BPI: variants seen among roughly 807,000 people sequenced by gnomAD.
BPI encodes the protein bactericidal permeability-increasing protein.
BPI carries 48 observed loss-of-function variants against 57.6 expected under a neutral mutation model. The ratio of observed to expected loss-of-function variants is 0.83; its 90% CI spans 0.66 to 1.06. The LOEUF is 1.06. BPI is among the 50% of genes least tolerant of loss of function. The pLI, the probability that BPI is intolerant of heterozygous loss-of-function variation, is 0.00. For synonymous variants in BPI, 237 were observed against 238.2 expected, an observed-to-expected ratio of 0.99 and a Z score of 0.05; for missense variants, 651 against 609.7, an observed-to-expected ratio of 1.07 and a Z score of -0.71.
intron 9 of BPI, 144 bp downstream of exon 9, chr20:38,324,977 T>C: frequency 2.9e-6 from 2 of 691,586 alleles, no homozygotes; most frequent in Non-Finnish European, 2.5e-6. Flanking sequence ...GGAAATAGCT[T>C]CATCCACAGA....
Position 38,307,643 on chromosome 20 carries a change from G to T in BPI, c.207G>T (p.Lys69Asn), listed in dbSNP as rs779087118. The change falls in exon 2 of 15, where the codon AAG becomes AAT. Residue 69 changes from lysine (K) to asparagine (N), a missense_variant. Physicochemically the swap from Lys to Asn is moderately conservative, Grantham distance 94. Coordinates refer to ENST00000642449, the MANE Select transcript of BPI (RefSeq NM_001725.3). ...IKIPDYSDSF[K>N]IKHLGKGHYS... is the part of the protein sequence containing the mutation. The stretch of plus-strand genomic sequence containing the variant: ...TTCCTGACTACTCAGACAGCTTTAA[G>T]ATCAAGCATCTTGGGAAGGGGCATT... 6.2e-7 allele frequency: 1 copy of T among 1,612,184 alleles called. No individual in the cohort carries two copies. The highest frequency in any genetic ancestry group is 8.5e-7 in the Non-Finnish European group (1 of 1,179,232).
intron 7 of BPI, 39 bp downstream of exon 7, chr20:38,320,313 T>A: frequency 6.3e-7 from 1 of 1,578,816 alleles, no homozygotes. Context: ...CTCACACCTC[T>A]GTCTCAGACA....
intron 14 of BPI, 106 bp downstream of exon 14, chr20:38,335,780 T>C: frequency 9.0e-7 from 1 of 1,111,400 alleles, no homozygotes; most frequent in Non-Finnish European, 1.3e-6. Flanking sequence ...AAGCGCCTTC[T>C]ACCCTTACAA....
intron 11 of BPI, among the ~76,000 whole-genome samples, chr20:38,328,185 C>T (rs1568818029): frequency 2.0e-5 from 3 of 152,194 alleles, no homozygotes; most frequent in Non-Finnish European, 4.4e-5. Context: ...CAACATGAGG[C>T]TGCCTGCGTT....
At chr20:38,320,444 C>G (rs1165170310) in intron 7 of BPI, among the ~76,000 whole-genome samples, 170 bp downstream of exon 7, 2 of 151,958 alleles carry the variant, frequency 1.3e-5, no homozygotes, top group African/African-American at 4.8e-5. Context: ...GGCCTCCCCG[C>G]CATTCCCCGA....
At chr20:38,321,789 A>G (rs908789753) in intron 7 of BPI, 1 of 152,002 alleles carries the variant, frequency 6.6e-6, no homozygotes, top group Non-Finnish European at 1.5e-5. Context: ...TCATCAATAA[A>G]TAAGTGTAGA....
intron 11 of BPI, among the ~76,000 whole-genome samples, chr20:38,328,290 C>G (rs1228153440): frequency 6.6e-6 from 1 of 152,138 alleles, no homozygotes; most frequent in Admixed American, 6.5e-5. Context: ...CGGTGGCTCA[C>G]GCCTGTAATC....
Position 38,334,958 on chromosome 20 carries a change from C to T in BPI, c.1336+465C>T, listed in dbSNP as rs113611815. Among the ~76,000 whole-genome samples, 832 of 152,236 alleles carry T rather than the reference C, an allele frequency of 5.5e-3. 9 individuals are homozygous for T. Among genetic ancestry groups the T allele is most frequent in the African/African-American group, 0.019 (797 of 41,532 alleles). On this transcript the variant is annotated intron_variant, in intron 13 of 14. Transcript: ENST00000642449. ...CACGCTGGTAAGAGCTTCAGGCAGG[C>T]CGGCCCCTGACCTTTGAGAGTGAGG...
rs2076764153 is a variant in BPI, at chr20:38,335,694, C to T, written c.1413+20C>T. 6.2e-7 allele frequency: 1 copy of T among 1,607,390 alleles called. No individual in the cohort carries two copies. The highest frequency in any genetic ancestry group is 1.3e-5 in the African/African-American group (1 of 74,882). On this transcript the variant is annotated intron_variant, in intron 14 of 14. Coordinates refer to ENST00000642449, the MANE Select transcript of BPI (RefSeq NM_001725.3). Reference sequence around the variant, plus strand: ...CACCAGGTGAGTCCCGGAGTCTTTTCCACAAATCTCCCCTAACGATAGTGA... The same window carrying T: ...CACCAGGTGAGTCCCGGAGTCTTTTTCACAAATCTCCCCTAACGATAGTGA...
chr20:38,326,469 A>G (rs1157914458), intron 10 of BPI, 37 bp downstream of exon 10: 1 of 1,583,176 alleles, frequency 6.3e-7, no homozygotes, highest in South Asian at 1.2e-5. Flanking sequence ...GAGGAGCCCC[A>G]GACAGTCCCA....
chr20:38,324,871 G>A, intron 9 of BPI, 38 bp downstream of exon 9: 1 of 1,525,516 alleles, frequency 6.6e-7, no homozygotes, highest in South Asian at 1.1e-5. Context: ...GAGCCCCGGG[G>A]GTTCTGGGAG....
chr20:38,318,289 T>C, intron 5 of BPI, 124 bp from the exon 6 acceptor site: 3 of 1,225,396 alleles, frequency 2.4e-6, no homozygotes, highest in Non-Finnish European at 3.6e-6. Context: ...AAAGGGAAAC[T>C]TGATTGGCTA....
In BPI at chr20:38,337,415, G is replaced by A. The variant is rs1180119574; in HGVS notation, c.*231G>A. On this transcript the variant is annotated 3_prime_UTR_variant, in exon 15 of 15. Transcript: ENST00000642449. ...TTCTTTCAAGGGCTAAGGCTGCAGAGATATTTCCTCCAGGAATCGTGTTTC... is the reference window on the plus strand; with the variant it reads ...TTCTTTCAAGGGCTAAGGCTGCAGAAATATTTCCTCCAGGAATCGTGTTTC... 2.5e-6 allele frequency: 1 copy of A among 396,224 alleles called. No homozygotes were observed. The highest frequency in any genetic ancestry group is 4.4e-6 in the Non-Finnish European group (1 of 225,396). The allele number at this position is 396,224 out of a possible 1,614,324, so 24.5% of individuals were successfully genotyped here.
At chr20:38,307,151 A>T (rs1237633098) in intron 1 of BPI, among the ~76,000 whole-genome samples, 1 of 152,182 alleles carries the variant, frequency 6.6e-6, no homozygotes, top group Non-Finnish European at 1.5e-5. Flanking sequence ...GTGAGCCGTG[A>T]TCATGCCTCT....
intron 11 of BPI, 65 bp downstream of exon 11, chr20:38,327,720 T>A: frequency 6.4e-7 from 1 of 1,558,350 alleles, no homozygotes; most frequent in Admixed American, 1.7e-5. Context: ...GGGATGACAG[T>A]GGTCCTGTGA....
chr20:38,324,948 C>A, intron 9 of BPI, 115 bp downstream of exon 9: 2 of 862,200 alleles, frequency 2.3e-6, no homozygotes, highest in South Asian at 1.5e-5. Flanking sequence ...GATCCAGAAA[C>A]AACCCAGCAT....
At chr20:38,317,895 G>T in intron 5 of BPI, 1 of 985,322 alleles carries the variant, frequency 1.0e-6, no homozygotes, top group South Asian at 4.7e-5. Flanking sequence ...GGGGGATTGG[G>T]GTGGAGTGGC....
At chr20:38,310,946 T>C (rs1243104364) in intron 4 of BPI, among the ~76,000 whole-genome samples, 1 of 152,240 alleles carries the variant, frequency 6.6e-6, no homozygotes, top group East Asian at 1.9e-4. Flanking sequence ...ATCACAAATC[T>C]GTAGGCATTC....
intron 9 of BPI, 30 bp downstream of exon 9, chr20:38,324,863 GC>G: frequency 6.4e-7 from 1 of 1,570,232 alleles, no homozygotes; most frequent in Non-Finnish European, 8.8e-7. Flanking sequence ...CCTTTAGTGA[GC>G]CCCGGGGGTT....
Sources: gnomAD v4.1 joint callset for allele counts (sites outside exome capture counted in the v4.1 genomes callset) on GRCh38, gnomAD v4.1.1 for gene constraint, MANE v1.5 for transcripts, NCBI Gene and HGNC (gene_info 2026-07-23, HGNC 2026-07-21) for gene names.